The following ATP8A1 variants were observed in gnomAD, a reference collection of about 807,000 sequenced individuals.
The protein encoded by ATP8A1 is phospholipid-transporting ATPase IA.
In ATP8A1, 90 loss-of-function variants were observed where a neutral mutation model predicts 177.7. The ratio of observed to expected loss-of-function variants is 0.51; its 90% CI spans 0.43 to 0.60. The LOEUF (loss-of-function observed/expected upper bound fraction) is 0.60, where lower values mean the gene tolerates loss of function less well. Ranked by LOEUF, ATP8A1 falls within the 20% of genes least tolerant of loss-of-function variation. The probability of loss-of-function intolerance (pLI) is 0.00; values close to 1 mark genes in which losing one functional copy is unlikely to be tolerated. For missense variants in ATP8A1, 1,072 were observed against 1,392.8 expected, an observed-to-expected ratio of 0.77 and a Z score of 3.67; for synonymous variants, 493 against 485.9, an observed-to-expected ratio of 1.01 and a Z score of -0.19.
At chr4:42,415,862 T>C (rs1713185716) in intron 35 of ATP8A1, among the ~76,000 whole-genome samples, 1 of 152,220 alleles carries the variant, frequency 6.6e-6, no homozygotes, top group South Asian at 2.1e-4. Context: ...AAATGAATTA[T>C]GCAAACATTT....
chr4:42,581,762 A>G (rs758050550), intron 9 of ATP8A1, 30 bp from the exon 10 acceptor site: 3 of 1,509,920 alleles, frequency 2.0e-6, no homozygotes, highest in Middle Eastern at 1.7e-4. Flanking sequence ...CATTAGAAAC[A>G]GTATTTTCTA....
Position 42,455,391 on chromosome 4 carries a change from A to G in ATP8A1, c.2723T>C (p.Leu908Pro), listed in dbSNP as rs770449166. The change falls in exon 29 of 37, where the codon CTT (leucine) becomes CCT (proline). Residue 908 changes from leucine to proline, a missense_variant. Transcript: ENST00000381668. ...TCTGCATGATCTCTCAAATATTCCA[A>G]GAGTTAAAGGAGGCATTGCTGTAAA... ...VMFTAMPPLT[L>P]GIFERSCRKE... 1 of 1,613,966 alleles carries G rather than the reference A, an allele frequency of 6.2e-7. No homozygotes were observed. Among genetic ancestry groups the G allele is most frequent in the South Asian group, 1.1e-5 (1 of 91,080 alleles).
At chr4:42,555,786 T>C (rs1218476326) in intron 16 of ATP8A1, among the ~76,000 whole-genome samples, 182 bp downstream of exon 16, 1 of 152,096 alleles carries the variant, frequency 6.6e-6, no homozygotes, top group African/African-American at 2.4e-5. Context: ...ATCACGCCAT[T>C]GCACTCCAGC....
At chr4:42,413,111 G>A (rs752574498) in intron 36 of ATP8A1, 98 bp from the exon 37 acceptor site, 1 of 895,622 alleles carries the variant, frequency 1.1e-6, no homozygotes, top group South Asian at 1.5e-5. Flanking sequence ...GGGAACAAAT[G>A]CAGCCTTCCC....
At chr4:42,448,391 T>TCTTACTTTA (rs1560335157) in intron 30 of ATP8A1, among the ~76,000 whole-genome samples, 6 of 98,288 alleles carry the variant, frequency 6.1e-5, no homozygotes, top group African/African-American at 2.1e-4. Flanking sequence ...TCCCTCCTTC[T>TCTTACTTTA]CTTTCTTTTC....
chr4:42,656,451 G>A (rs764485369), intron 1 of ATP8A1, among the ~76,000 whole-genome samples: 1 of 152,110 alleles, frequency 6.6e-6, no homozygotes, highest in African/African-American at 2.4e-5. Context: ...CTCAGATAGG[G>A]GGTTGCAAAA....
chr4:42,444,010 C>G (rs1173402297), intron 32 of ATP8A1, among the ~76,000 whole-genome samples: 2 of 152,160 alleles, frequency 1.3e-5, no homozygotes, highest in Non-Finnish European at 2.9e-5. Context: ...ATGTCAGACC[C>G]TTGTGAGAAT....
chr4:42,604,137 C>A (rs1266190618), intron 5 of ATP8A1, among the ~76,000 whole-genome samples: 1 of 152,128 alleles, frequency 6.6e-6, no homozygotes, highest in Non-Finnish European at 1.5e-5. Flanking sequence ...CTCTTTCCCT[C>A]CATCCTCACC....
intron 24 of ATP8A1, among the ~76,000 whole-genome samples, chr4:42,501,716 T>C (rs1243152171): frequency 4.6e-5 from 7 of 152,196 alleles, no homozygotes; most frequent in Non-Finnish European, 5.9e-5. Context: ...ATCTCAGCCA[T>C]GGGTTTTATG....
chr4:42,554,052 A>T (rs1457787047), intron 16 of ATP8A1, among the ~76,000 whole-genome samples: 1 of 152,234 alleles, frequency 6.6e-6, no homozygotes, highest in Non-Finnish European at 1.5e-5. Context: ...CAGGGGCCAG[A>T]TCATGTTACT....
At chr4:42,471,006 G>C (rs1720339219) in intron 25 of ATP8A1, among the ~76,000 whole-genome samples, 1 of 151,994 alleles carries the variant, frequency 6.6e-6, no homozygotes, top group Non-Finnish European at 1.5e-5. Flanking sequence ...GAATCCTTCT[G>C]AACTAAAATT....
chr4:42,587,990 T>C (rs1046950699), intron 8 of ATP8A1, among the ~76,000 whole-genome samples: 1 of 152,226 alleles, frequency 6.6e-6, no homozygotes, highest in Non-Finnish European at 1.5e-5. Flanking sequence ...ATCAAAGCAC[T>C]TAGAACTACT....
At chr4:42,550,781 T>G (rs1405174955) in intron 18 of ATP8A1, among the ~76,000 whole-genome samples, 1 of 152,206 alleles carries the variant, frequency 6.6e-6, no homozygotes, top group Non-Finnish European at 1.5e-5. Flanking sequence ...AACAATGTTT[T>G]TTCACATGCT....
At chr4:42,654,115 T>C (rs995154395) in intron 1 of ATP8A1, among the ~76,000 whole-genome samples, 1 of 152,244 alleles carries the variant, frequency 6.6e-6, no homozygotes. Context: ...GTGATTCCTA[T>C]GAACCTTCGA....
intron 11 of ATP8A1, 98 bp from the exon 12 acceptor site, chr4:42,578,485 T>C: frequency 7.4e-7 from 1 of 1,347,378 alleles, no homozygotes; most frequent in Non-Finnish European, 1.0e-6. Context: ...CTACGCAGCT[T>C]ATTTGATAAT....
chr4:42,456,543 G>T (rs1200056623), intron 27 of ATP8A1, among the ~76,000 whole-genome samples: 8 of 151,962 alleles, frequency 5.3e-5, no homozygotes, highest in African/African-American at 1.9e-4. Flanking sequence ...GGACAATATG[G>T]ACAAATTTTT....
intron 14 of ATP8A1, among the ~76,000 whole-genome samples, chr4:42,571,611 A>G (rs1382337519): frequency 1.3e-5 from 2 of 152,172 alleles, no homozygotes; most frequent in South Asian, 2.1e-4. Flanking sequence ...ATTCCCTACA[A>G]GAAGCAATTA....
intron 33 of ATP8A1, 96 bp from the exon 34 acceptor site, chr4:42,423,801 A>T: frequency 1.3e-6 from 1 of 779,902 alleles, no homozygotes. Context: ...AATTTTAAGA[A>T]TATCATTCTG....
chr4:42,581,164 T>G (rs1041115340), intron 10 of ATP8A1, among the ~76,000 whole-genome samples: 3 of 151,996 alleles, frequency 2.0e-5, no homozygotes, highest in African/African-American at 4.8e-5. Flanking sequence ...GACGGAGTCT[T>G]GCTCTGTTGC....
Sources: allele counts gnomAD v4.1 joint callset (sites outside exome capture counted in the v4.1 genomes callset), GRCh38; gene constraint gnomAD v4.1.1; transcripts MANE v1.5; gene names NCBI Gene and HGNC (gene_info 2026-07-23, HGNC 2026-07-21).